GALNT13: variants seen among roughly 807,000 people sequenced by gnomAD.
GALNT13 encodes UDP-GalNAc:polypeptide N-acetylgalactosaminyltransferase 13.
In GALNT13, 28 loss-of-function variants were observed where a neutral mutation model predicts 64.2. That is an observed-to-expected ratio of 0.44 (90% CI 0.32 to 0.60). The LOEUF (loss-of-function observed/expected upper bound fraction) is 0.60, where lower values mean the gene tolerates loss of function less well. Ranked by LOEUF, GALNT13 falls within the 20% of genes least tolerant of loss-of-function variation. The pLI is 0.05. For synonymous variants in GALNT13, 214 were observed against 224.6 expected, an observed-to-expected ratio of 0.95 and a Z score of 0.42; for missense variants, 577 against 669.8, an observed-to-expected ratio of 0.86 and a Z score of 1.53.
At chr2:153,245,993 C>T in the GALNT13 span, among the ~76,000 whole-genome samples, 17 of 151,592 alleles carry the variant, frequency 1.1e-4, no homozygotes, top group South Asian at 4.2e-4. Flanking sequence ...ATAAGAACTT[C>T]GTAAAGCATA....
the GALNT13 span, among the ~76,000 whole-genome samples, chr2:153,256,959 T>C: frequency 6.6e-5 from 10 of 152,360 alleles, no homozygotes; most frequent in East Asian, 1.9e-3. Flanking sequence ...GCAGGCCTCC[T>C]TGAGCTGTGG....
intron 3 of GALNT13, among the ~76,000 whole-genome samples, chr2:154,097,644 A>G (rs1702140404): frequency 6.6e-6 from 1 of 152,054 alleles, no homozygotes; most frequent in Non-Finnish European, 1.5e-5. Flanking sequence ...ACATGATCCA[A>G]TAACCATTAG....
rs181929903 is a variant in GALNT13 at position 154,212,912 on chromosome 2, G to A, written c.312-29118G>A. Among the ~76,000 whole-genome samples, 40 of 151,826 alleles carry A rather than the reference G, an allele frequency of 2.6e-4. No homozygotes were observed. In the East Asian group the frequency reaches 7.2e-3, roughly 27 times the overall value. ...TAATCTCAATGGTAGAAATAGAATAGGATCGATCTCAAAGTGTTATCTGGC... is the reference window on the plus strand; with the variant it reads ...TAATCTCAATGGTAGAAATAGAATAAGATCGATCTCAAAGTGTTATCTGGC... On this transcript the variant is annotated intron_variant, in intron 4 of 12. Coordinates refer to ENST00000392825, the MANE Select transcript of GALNT13 (RefSeq NM_052917.4).
At chr2:153,878,517 C>CTA (rs1385258945) in intron 1 of GALNT13, among the ~76,000 whole-genome samples, 1 of 152,132 alleles carries the variant, frequency 6.6e-6, no homozygotes, top group Non-Finnish European at 1.5e-5. Flanking sequence ...CTAGCACTTG[C>CTA]TTTAGCCTTA....
the GALNT13 span, among the ~76,000 whole-genome samples, chr2:153,255,898 C>T: frequency 6.6e-6 from 1 of 152,172 alleles, no homozygotes; most frequent in Non-Finnish European, 1.5e-5. Flanking sequence ...CTGTCCTTAA[C>T]ATTTTTTCCT....
the GALNT13 span, among the ~76,000 whole-genome samples, chr2:153,209,344 T>C: frequency 6.6e-6 from 1 of 152,300 alleles, no homozygotes; most frequent in Non-Finnish European, 1.5e-5. Flanking sequence ...ATTATTGTTG[T>C]TTGTATGGCT....
intron 4 of GALNT13, among the ~76,000 whole-genome samples, chr2:154,240,063 A>G (rs1399513200): frequency 6.6e-6 from 1 of 152,214 alleles, no homozygotes; most frequent in Non-Finnish European, 1.5e-5. Context: ...TTACATAAAA[A>G]AATAACCTCA....
At chr2:153,257,323 C>T in the GALNT13 span, among the ~76,000 whole-genome samples, 95 of 152,146 alleles carry the variant, frequency 6.2e-4, 1 homozygote, top group Admixed American at 4.6e-3. Context: ...GTGCACGGTG[C>T]GCGCACCCAC....
At chr2:153,312,684 A>C in the GALNT13 span, among the ~76,000 whole-genome samples, 2 of 152,176 alleles carry the variant, frequency 1.3e-5, no homozygotes, top group Admixed American at 6.5e-5. Context: ...AAAAGAAATA[A>C]AGTGTTTTTA....
At chr2:153,927,644 T>C (rs949268939) in intron 2 of GALNT13, among the ~76,000 whole-genome samples, 3 of 152,026 alleles carry the variant, frequency 2.0e-5, no homozygotes, top group Non-Finnish European at 2.9e-5. Context: ...TTACTGTTAA[T>C]TAATTGGAGA....
At chr2:154,247,446 T>C (rs561844359) in intron 7 of GALNT13, among the ~76,000 whole-genome samples, 32 of 152,186 alleles carry the variant, frequency 2.1e-4, no homozygotes, top group African/African-American at 7.0e-4. Context: ...ATATAGATAA[T>C]GTTTTTATTC....
chr2:153,915,416 A>C, intron 2 of GALNT13, among the ~76,000 whole-genome samples: 1 of 152,208 alleles, frequency 6.6e-6, no homozygotes, highest in East Asian at 1.9e-4. Context: ...GGGTGTCTAC[A>C]CTGTTCTGTT....
At chr2:154,427,490 C>T (rs1248794517) in intron 11 of GALNT13, among the ~76,000 whole-genome samples, 1 of 152,082 alleles carries the variant, frequency 6.6e-6, no homozygotes, top group African/African-American at 2.4e-5. Context: ...TCAGCACATA[C>T]GAGGTCAGGG....
chr2:154,162,936 G>A lies in GALNT13; in HGVS notation c.311+22431G>A, dbSNP rs151242278. ...CACTTATGAAAAAGAACAAAACTCT[G>A]TCTCAACCCACATTCTTTTTTTTTA... On this transcript the variant is annotated intron_variant, in intron 4 of 12. Transcript: ENST00000392825. Among the ~76,000 whole-genome samples the A allele has an allele frequency of 3.1e-4, 46 of 150,718 alleles. No homozygotes were observed. The East Asian group carries it at 4.7e-3, about 15-fold the overall frequency.
intron 4 of GALNT13, among the ~76,000 whole-genome samples, chr2:154,192,525 T>C (rs1686651737): frequency 6.6e-6 from 1 of 152,126 alleles, no homozygotes; most frequent in African/African-American, 2.4e-5. Flanking sequence ...CATATATATA[T>C]ATATATTTAA....
At chr2:153,821,468 T>C in the GALNT13 span, among the ~76,000 whole-genome samples, 1 of 152,054 alleles carries the variant, frequency 6.6e-6, no homozygotes, top group Non-Finnish European at 1.5e-5. Context: ...ACATGCAAAT[T>C]AAACTTCTCC....
the GALNT13 span, among the ~76,000 whole-genome samples, chr2:153,775,183 T>C: frequency 6.6e-6 from 1 of 152,244 alleles, no homozygotes; most frequent in East Asian, 1.9e-4. Context: ...CTTTACTCTT[T>C]AGGACACCTA....
chr2:154,245,856 C>T lies in GALNT13; in HGVS notation c.731C>T (p.Thr244Ile). Residue 244 changes from threonine to isoleucine, a missense_variant, in exon 7 of 13, where the codon ACT becomes ATT. Transcript: ENST00000392825. Reference sequence around the variant, plus strand: ...ATCATTGATGTGATTAGTGATGATACTTTTGAATATATGGCTGGGTCAGAC... The same window carrying T: ...ATCATTGATGTGATTAGTGATGATATTTTTGAATATATGGCTGGGTCAGAC... ...CPIIDVISDD[T>I]FEYMAGSDMT... 6.2e-7 allele frequency: 1 copy of T among 1,612,708 alleles called. No individual in the cohort carries two copies. Among genetic ancestry groups the T allele is most frequent in the South Asian group, 1.1e-5 (1 of 90,976 alleles).
At chr2:154,171,668 A>G (rs1685356472) in intron 4 of GALNT13, among the ~76,000 whole-genome samples, 1 of 152,052 alleles carries the variant, frequency 6.6e-6, no homozygotes, top group African/African-American at 2.4e-5. Flanking sequence ...GAGCTCCTGG[A>G]TGTGTTATTA....
Sources: gnomAD v4.1 joint callset for allele counts (sites outside exome capture counted in the v4.1 genomes callset) on GRCh38, gnomAD v4.1.1 for gene constraint, MANE v1.5 for transcripts, NCBI Gene and HGNC (gene_info 2026-07-23, HGNC 2026-07-21) for gene names.